The following SCARA5 variants were observed in gnomAD, a reference collection of about 807,000 sequenced individuals.
SCARA5 encodes scavenger receptor class A, member 5 (putative).
A neutral mutation model predicts 46.3 loss-of-function variants in SCARA5; 45 were observed. The observed-to-expected ratio is 0.97, with a 90% CI of 0.76 to 1.24. The LOEUF is 1.24. Among genes scored for constraint, SCARA5 ranks in the 50% most tolerant of loss-of-function variants. SCARA5 has a pLI of 0.00. For missense variants in SCARA5, 680 were observed against 689.0 expected (o/e 0.99, Z 0.15); for synonymous variants, 333 against 306.5 (o/e 1.09, Z -0.90).
Position 27,940,154 on chromosome 8 carries a change from T to A in SCARA5, c.242-17909A>T, listed in dbSNP as rs557157292. Among the ~76,000 whole-genome samples the A allele has an allele frequency of 1.3e-5, 2 of 152,344 alleles. 1 individual carries two copies. The highest frequency in any genetic ancestry group is 1.3e-4 in the Admixed American group (2 of 15,306). On this transcript the variant is annotated intron_variant, in intron 3 of 8. Transcript: ENST00000354914. ...CTTTCGGTTGGAGCAGCATAAGCTC[T>A]CCCCACTGGTGATTTTCTCAAATTC...
At chr8:27,875,049 C>T (rs1005317789) in intron 8 of SCARA5, among the ~76,000 whole-genome samples, 1 of 152,166 alleles carries the variant, frequency 6.6e-6, no homozygotes, top group Non-Finnish European at 1.5e-5. Flanking sequence ...GGTGCCAGAC[C>T]CCTGGGAGAG....
chr8:27,872,090 C>G lies in SCARA5; in HGVS notation c.1352-20G>C, dbSNP rs377652097. On this transcript the variant is annotated intron_variant, in intron 8 of 8. Transcript: ENST00000354914. ...CAGTGCCTGTGGAGACAGGGAAACA[C>G]AGCTATAAGCGGATACACAGGAGGG... is the stretch of plus-strand genomic sequence containing the variant. The G allele has an allele frequency of 1.2e-6, 2 of 1,613,852 alleles. No individual in the cohort carries two copies. Among genetic ancestry groups the G allele is most frequent in the African/African-American group, 2.7e-5 (2 of 74,942 alleles).
chr8:27,874,503 G>T (rs1806692391), intron 8 of SCARA5, among the ~76,000 whole-genome samples: 1 of 152,208 alleles, frequency 6.6e-6, no homozygotes, highest in Non-Finnish European at 1.5e-5. Context: ...TTGGAACACA[G>T]CCCCACCCAT....
At chr8:27,905,231 A>T (rs1024043247) in intron 6 of SCARA5, among the ~76,000 whole-genome samples, 1 of 152,094 alleles carries the variant, frequency 6.6e-6, no homozygotes, top group Non-Finnish European at 1.5e-5. Context: ...TTCTATGTTG[A>T]GCAGGTTTTC....
chr8:27,908,339 C>T (rs776237483), intron 5 of SCARA5, among the ~76,000 whole-genome samples: 9 of 114,578 alleles, frequency 7.9e-5, no homozygotes, highest in Non-Finnish European at 1.1e-4. Flanking sequence ...CCACCTCCTG[C>T]GGTGACGGTG....
intron 7 of SCARA5, among the ~76,000 whole-genome samples, chr8:27,891,493 T>C (rs1167344311): frequency 6.6e-6 from 1 of 152,166 alleles, no homozygotes; most frequent in African/African-American, 2.4e-5. Flanking sequence ...CGTGAGACAC[T>C]GCGCCCAGCC....
chr8:27,897,423 T>C (rs1275625049), intron 7 of SCARA5, among the ~76,000 whole-genome samples: 6 of 152,280 alleles, frequency 3.9e-5, no homozygotes, highest in Admixed American at 3.3e-4. Context: ...CATGTACATC[T>C]CAACGTAAAA....
chr8:27,915,715 G>C (rs948582369), intron 4 of SCARA5, among the ~76,000 whole-genome samples: 63 of 151,654 alleles, frequency 4.2e-4, no homozygotes, highest in African/African-American at 1.5e-3. Flanking sequence ...TATTTTTTTT[G>C]TCCCAGCCAG....
chr8:27,936,052 C>G (rs547907285), intron 3 of SCARA5, among the ~76,000 whole-genome samples: 50 of 152,268 alleles, frequency 3.3e-4, no homozygotes, highest in South Asian at 2.3e-3. Flanking sequence ...TATGCCCCGC[C>G]AGCCCCTGCC....
At chr8:27,961,119 G>T (rs1205093288) in intron 3 of SCARA5, among the ~76,000 whole-genome samples, 1 of 152,244 alleles carries the variant, frequency 6.6e-6, no homozygotes, top group East Asian at 1.9e-4. Context: ...GAGTGACGAT[G>T]CTAATAATAG....
At chr8:27,979,182 T>G (rs897267653) in intron 2 of SCARA5, among the ~76,000 whole-genome samples, 3 of 152,144 alleles carry the variant, frequency 2.0e-5, no homozygotes, top group African/African-American at 7.2e-5. Flanking sequence ...CATCTCTCTT[T>G]GCCTCTCCCA....
In SCARA5 at chr8:27,878,582, A is replaced by T. The variant is rs112340587; in HGVS notation, c.1351+987T>A. 9.2e-3 allele frequency among the ~76,000 whole-genome samples: 1,391 copies of T among 151,966 alleles called. 16 individuals carry two copies. Among genetic ancestry groups the T allele is most frequent in the Admixed American group, 0.014 (217 of 15,252 alleles). The stretch of plus-strand genomic sequence containing the variant: ...AAGGAAAGCAACCAAAATGATGAAG[A>T]CTCTCCAAATCTTGTCATATGAGGG... On this transcript the variant is annotated intron_variant, in intron 8 of 8. Transcript: ENST00000354914.
chr8:27,965,874 G>A (rs1296925676), intron 3 of SCARA5, among the ~76,000 whole-genome samples: 1 of 152,172 alleles, frequency 6.6e-6, no homozygotes, highest in African/African-American at 2.4e-5. Flanking sequence ...TTGAGTCCAT[G>A]AGCTCTCCTT....
chr8:27,936,015 G>A (rs909915381), intron 3 of SCARA5, among the ~76,000 whole-genome samples: 9 of 152,202 alleles, frequency 5.9e-5, no homozygotes, highest in South Asian at 2.1e-4. Context: ...ATATTTACAG[G>A]CTGCAGGCTG....
At chr8:27,880,973 T>C (rs1162155800) in intron 7 of SCARA5, among the ~76,000 whole-genome samples, 2 of 150,002 alleles carry the variant, frequency 1.3e-5, no homozygotes, top group Admixed American at 6.6e-5. Context: ...ATCAGAGAAA[T>C]GCAAATCAAA....
At chr8:27,938,822 T>C (rs1017122953) in intron 3 of SCARA5, among the ~76,000 whole-genome samples, 1 of 152,202 alleles carries the variant, frequency 6.6e-6, no homozygotes, top group African/African-American at 2.4e-5. Context: ...CGTAAACTAG[T>C]AACTCCTTTC....
At chr8:27,978,801 G>T (rs1808566577) in intron 2 of SCARA5, among the ~76,000 whole-genome samples, 1 of 152,054 alleles carries the variant, frequency 6.6e-6, no homozygotes, top group Non-Finnish European at 1.5e-5. Context: ...TTGAGCCACG[G>T]TGCCCGCCCT....
chr8:27,871,586 C>G lies in SCARA5; in HGVS notation c.*348G>C. ...CTGCTGCACTTGTCTCTGACACATT[C>G]TCAGCATTCACCTGTAACTAAAAGG... On this transcript the variant is annotated 3_prime_UTR_variant, in exon 9 of 9. Transcript: ENST00000354914. 4.4e-6 allele frequency: 5 copies of G among 1,134,162 alleles called. No individual in the cohort carries two copies. Among genetic ancestry groups the G allele is most frequent in the Non-Finnish European group, 5.4e-6 (5 of 920,152 alleles). The allele number at this position is 1,134,162 out of a possible 1,614,324, so 70.3% of individuals were successfully genotyped here.
At chr8:27,931,852 C>T (rs1157029334) in intron 3 of SCARA5, among the ~76,000 whole-genome samples, 1 of 152,126 alleles carries the variant, frequency 6.6e-6, no homozygotes, top group African/African-American at 2.4e-5. Context: ...ACGCGTTCCA[C>T]CATGTTGGCT....
Sources: allele counts gnomAD v4.1 joint callset (sites outside exome capture counted in the v4.1 genomes callset), GRCh38; gene constraint gnomAD v4.1.1; transcripts MANE v1.5; gene names NCBI Gene and HGNC (gene_info 2026-07-23, HGNC 2026-07-21).